The following SEMA5A variants were observed in gnomAD, a reference collection of about 807,000 sequenced individuals.
SEMA5A encodes the protein semaphorin-5A.
A neutral mutation model predicts 135.5 loss-of-function variants in SEMA5A; 55 were observed. The ratio of observed to expected loss-of-function variants is 0.41; its 90% CI spans 0.33 to 0.51. The LOEUF is 0.51. Among genes scored for constraint, SEMA5A ranks in the 20% least tolerant of loss-of-function variants. SEMA5A has a pLI of 0.37. For missense variants in SEMA5A, 1,290 were observed against 1,419.9 expected (o/e 0.91, Z 1.47); for synonymous variants, 580 against 546.5 (o/e 1.06, Z -0.85).
At chr5:9,418,375 G>A (rs926571072) in intron 2 of SEMA5A, among the ~76,000 whole-genome samples, 2 of 152,064 alleles carry the variant, frequency 1.3e-5, no homozygotes, top group African/African-American at 2.4e-5. Flanking sequence ...TATCAAACTG[G>A]GTGTTAGGAT....
intron 11 of SEMA5A, among the ~76,000 whole-genome samples, chr5:9,178,057 C>T (rs1744296799): frequency 6.6e-6 from 1 of 152,074 alleles, no homozygotes; most frequent in Admixed American, 6.5e-5. Context: ...CTCATGGTGA[C>T]AGAACTTGGA....
chr5:9,336,172 G>C (rs1238073541), intron 4 of SEMA5A, among the ~76,000 whole-genome samples: 1 of 151,976 alleles, frequency 6.6e-6, no homozygotes, highest in Admixed American at 6.6e-5. Flanking sequence ...TGAGAAAGAG[G>C]TCAGAAGGGA....
chr5:9,470,892 A>G (rs1030739665), intron 1 of SEMA5A, among the ~76,000 whole-genome samples: 2 of 152,324 alleles, frequency 1.3e-5, no homozygotes, highest in South Asian at 2.1e-4. Flanking sequence ...AACCTGGCCC[A>G]TAGAAACTGA....
intron 12 of SEMA5A, among the ~76,000 whole-genome samples, chr5:9,154,209 C>A (rs966945257): frequency 2.0e-5 from 3 of 150,430 alleles, no homozygotes; most frequent in African/African-American, 7.4e-5. Flanking sequence ...ATCAGTATTA[C>A]CACTGAGTGT....
chr5:9,051,796 A>T (rs1736590964), intron 20 of SEMA5A, 77 bp downstream of exon 20: 1 of 1,577,420 alleles, frequency 6.3e-7, no homozygotes, highest in African/African-American at 1.3e-5. Context: ...GCCAAATAAA[A>T]CTCTGACCTA....
At chr5:9,231,561 A>C (rs949413322) in intron 6 of SEMA5A, among the ~76,000 whole-genome samples, 1 of 151,936 alleles carries the variant, frequency 6.6e-6, no homozygotes, top group Non-Finnish European at 1.5e-5. Context: ...TCAAAACTCA[A>C]ATTCTCTTGC....
At chr5:9,242,397 G>C (rs1176727272) in intron 5 of SEMA5A, among the ~76,000 whole-genome samples, 1 of 152,158 alleles carries the variant, frequency 6.6e-6, no homozygotes, top group Non-Finnish European at 1.5e-5. Flanking sequence ...ATGTTCCTCT[G>C]CCTTTACTTC....
At chr5:9,310,833 A>G (rs1001294378) in intron 5 of SEMA5A, among the ~76,000 whole-genome samples, 7 of 149,318 alleles carry the variant, frequency 4.7e-5, no homozygotes, top group Non-Finnish European at 7.4e-5. Context: ...ACATATGTAT[A>G]TGTGTATATA....
At chr5:9,100,258 C>A (rs1476727273) in intron 16 of SEMA5A, among the ~76,000 whole-genome samples, 2 of 152,176 alleles carry the variant, frequency 1.3e-5, no homozygotes. Context: ...TTTGTTTTCA[C>A]AAAGCCAGGT....
At chr5:9,259,615 T>C (rs936389925) in intron 5 of SEMA5A, among the ~76,000 whole-genome samples, 1 of 152,078 alleles carries the variant, frequency 6.6e-6, no homozygotes, top group Admixed American at 6.6e-5. Context: ...CCTTGTTGAC[T>C]TTCTGTCTCC....
chr5:9,218,564 A>G (rs527934010), intron 8 of SEMA5A, among the ~76,000 whole-genome samples: 1 of 152,330 alleles, frequency 6.6e-6, no homozygotes, highest in East Asian at 1.9e-4. Flanking sequence ...TTTGCTGACT[A>G]AGGTTAGCAG....
chr5:9,136,479 G>T (rs758524157), intron 13 of SEMA5A, 25 bp downstream of exon 13: 1 of 1,586,720 alleles, frequency 6.3e-7, no homozygotes, highest in South Asian at 1.1e-5. Flanking sequence ...AGCATTTTCA[G>T]AGGATGGAGA....
intron 1 of SEMA5A, among the ~76,000 whole-genome samples, chr5:9,503,777 C>G (rs1329097129): frequency 2.0e-5 from 3 of 152,110 alleles, no homozygotes; most frequent in East Asian, 1.9e-4. Flanking sequence ...TAGGATGAAA[C>G]AAAAATTAAT....
chr5:9,066,538 G>T lies in SEMA5A; in HGVS notation c.2182C>A (p.Arg728=), dbSNP rs763779870. ...ISDNGGHYEQ[R]FRYTCKARLA... ...CGGGCTTTGCATGTGTATCGGAATCGTTGCTCATAGTGGCCGCCGTTGTCA... is the reference window on the plus strand; with the variant it reads ...CGGGCTTTGCATGTGTATCGGAATCTTTGCTCATAGTGGCCGCCGTTGTCA... The change falls in exon 17 of 23, where the codon CGA becomes AGA. Residue 728 remains arginine, a synonymous_variant. Transcript: ENST00000382496. 6.2e-7 allele frequency: 1 copy of T among 1,614,154 alleles called. No homozygotes were observed. The highest frequency in any genetic ancestry group is 8.5e-7 in the Non-Finnish European group (1 of 1,180,014).
intron 4 of SEMA5A, among the ~76,000 whole-genome samples, chr5:9,331,883 A>C (rs1753148104): frequency 6.6e-6 from 1 of 152,138 alleles, no homozygotes; most frequent in Admixed American, 6.5e-5. Context: ...CCATTAGCCA[A>C]ACAAATGGTT....
At position 9,038,071 on chromosome 5, in the gene SEMA5A, G is replaced by C. The variant is rs1043354626; in HGVS notation, c.*4826C>G. ...GATAACCATAGGTAATCAAATATTG[G>C]TAACGTTGTGTCAACATGCTTCCCC... On this transcript the variant is annotated 3_prime_UTR_variant, in exon 23 of 23. Transcript: ENST00000382496. 1.3e-5 allele frequency: 2 copies of C among 152,188 alleles called. No individual in the cohort carries two copies. The highest frequency in any genetic ancestry group is 4.8e-5 in the African/African-American group (2 of 41,440). The allele number at this position is 152,188 out of a possible 1,614,324, so 9.4% of individuals were successfully genotyped here.
intron 5 of SEMA5A, among the ~76,000 whole-genome samples, chr5:9,311,487 G>T (rs1013262802): frequency 9.4e-5 from 14 of 149,604 alleles, no homozygotes; most frequent in African/African-American, 2.7e-4. Flanking sequence ...GTAAACTATC[G>T]CAAGGACAAA....
chr5:9,521,401 T>C (rs1380851135), intron 1 of SEMA5A, among the ~76,000 whole-genome samples: 1 of 152,162 alleles, frequency 6.6e-6, no homozygotes, highest in African/African-American at 2.4e-5. Flanking sequence ...CAGAGTGAGA[T>C]ACTGTCTTAA....
chr5:9,503,694 T>A (rs1156464276), intron 1 of SEMA5A, among the ~76,000 whole-genome samples: 1 of 152,206 alleles, frequency 6.6e-6, no homozygotes, highest in Non-Finnish European at 1.5e-5. Flanking sequence ...GCACTGCTCT[T>A]ACAATGCCAT....
Sources: allele counts gnomAD v4.1 joint callset (sites outside exome capture counted in the v4.1 genomes callset), GRCh38; gene constraint gnomAD v4.1.1; transcripts MANE v1.5; gene names NCBI Gene and HGNC (gene_info 2026-07-23, HGNC 2026-07-21).